The following DENR variants were observed in gnomAD, a reference collection of about 807,000 sequenced individuals.
The protein encoded by DENR is density regulated re-initiation and release factor.
Under a neutral mutation model 30.6 loss-of-function variants are expected in DENR, and 6 were observed. The observed-to-expected ratio is 0.20, with a 90% CI of 0.11 to 0.39. DENR has a LOEUF of 0.39. Ranked by LOEUF, DENR falls within the 10% of genes least tolerant of loss-of-function variation. The pLI is 1.00. For missense variants in DENR, 141 were observed against 230.9 expected (o/e 0.61, Z 2.52); for synonymous variants, 78 against 72.1 (o/e 1.08, Z -0.41).
intron 7 of DENR, 34 bp downstream of exon 7, chr12:122,768,955 A>C (rs777329748): frequency 1.1e-4 from 177 of 1,603,856 alleles, no homozygotes; most frequent in Non-Finnish European, 1.5e-4. Flanking sequence ...CGCTAGAGAT[A>C]AGTTTTTAAA....
chr12:122,762,978 G>T (rs1346577898), intron 4 of DENR, 49 bp downstream of exon 4: 2 of 973,226 alleles, frequency 2.1e-6, no homozygotes, highest in African/African-American at 1.7e-5. Context: ...TGAGACAAAT[G>T]CATGTATGGC....
intron 5 of DENR, among the ~76,000 whole-genome samples, chr12:122,766,861 AC>A (rs774206847): frequency 7.9e-5 from 12 of 151,934 alleles, no homozygotes; most frequent in Non-Finnish European, 1.3e-4. Flanking sequence ...TATCAGTCTT[AC>A]TCTTCACAGA....
At chr12:122,764,004 G>A (rs369665103) in intron 4 of DENR, among the ~76,000 whole-genome samples, 88 of 152,296 alleles carry the variant, frequency 5.8e-4, no homozygotes, top group African/African-American at 2.0e-3. Context: ...GGAACTGAGG[G>A]AATGAGTCAT....
intron 2 of DENR, among the ~76,000 whole-genome samples, chr12:122,760,726 G>A (rs1377708244): frequency 2.6e-5 from 4 of 152,070 alleles, no homozygotes; most frequent in Non-Finnish European, 4.4e-5. Flanking sequence ...GCAAGACTCC[G>A]TCTCAAAAAT....
At chr12:122,757,140 A>C (rs75955869) in intron 2 of DENR, among the ~76,000 whole-genome samples, 8,497 of 152,270 alleles carry the variant, frequency 0.056, 414 homozygotes, top group East Asian at 0.27. Flanking sequence ...CGATAGTGAC[A>C]TAGGCATTTT....
intron 4 of DENR, among the ~76,000 whole-genome samples, chr12:122,763,807 C>G (rs546926203): frequency 2.6e-5 from 4 of 152,172 alleles, no homozygotes; most frequent in Middle Eastern, 6.8e-3. Context: ...TGAGGATAAG[C>G]CAATAAAAGA....
intron 2 of DENR, among the ~76,000 whole-genome samples, chr12:122,761,169 T>C (rs1297001880): frequency 2.6e-5 from 4 of 152,114 alleles, no homozygotes; most frequent in African/African-American, 9.7e-5. Flanking sequence ...CCCAGCACTT[T>C]GGGAGGCTGA....
intron 6 of DENR, chr12:122,768,163 C>T (rs539336333): frequency 1.3e-5 from 2 of 152,738 alleles, no homozygotes; most frequent in South Asian, 2.1e-4. Flanking sequence ...TTTCTTTGTT[C>T]CTTCTTTACT....
chr12:122,759,243 T>G (rs1219302161), intron 2 of DENR, among the ~76,000 whole-genome samples: 1 of 152,206 alleles, frequency 6.6e-6, no homozygotes, highest in Non-Finnish European at 1.5e-5. Flanking sequence ...GCTCATAATG[T>G]CAGATGTTTC....
chr12:122,756,111 C>T (rs1199094737), intron 2 of DENR, among the ~76,000 whole-genome samples: 1 of 152,134 alleles, frequency 6.6e-6, no homozygotes, highest in Non-Finnish European at 1.5e-5. Context: ...CCCTGTCTGT[C>T]TACATATAAC....
intron 4 of DENR, chr12:122,763,398 CA>C (rs11286951): frequency 0.91 from 136,702 of 150,516 alleles, 62,275 homozygotes; most frequent in African/African-American, 0.96. Context: ...GACTCCGTCT[CA>C]AAAAAAAAAA....
Position 122,768,773 on chromosome 12 carries a change from A to G in DENR, c.413-9A>G. ...ACAGTTCTTGCTCTTTCTTTTTTTA[A>G]AAAAATAGAAATTGATCTTAAAGAA... On this transcript the variant is annotated splice_polypyrimidine_tract_variant and intron_variant, in intron 6 of 7. Transcript: ENST00000280557. 1 of 1,531,974 alleles carries G rather than the reference A, an allele frequency of 6.5e-7. No individual in the cohort carries two copies. The highest frequency in any genetic ancestry group is 8.8e-7 in the Non-Finnish European group (1 of 1,141,626). The allele number at this position is 1,531,974 out of a possible 1,614,324, so 94.9% of individuals were successfully genotyped here. A position where few individuals can be genotyped will look rare whatever the true frequency, so the allele number is the denominator to read the frequency against.
At chr12:122,758,571 G>A (rs1034007794) in intron 2 of DENR, among the ~76,000 whole-genome samples, 2 of 152,080 alleles carry the variant, frequency 1.3e-5, no homozygotes, top group African/African-American at 2.4e-5. Flanking sequence ...TTGGGAGGCC[G>A]AGGCAGGCAG....
Position 122,770,585 on chromosome 12 carries a change from G to C in DENR, c.*1507G>C, listed in dbSNP as rs879088546. The C allele has an allele frequency of 2.5e-6, 1 of 398,406 alleles. No homozygotes were observed. Among genetic ancestry groups the C allele is most frequent in the African/African-American group, 2.1e-5 (1 of 48,724 alleles). The allele number at this position is 398,406 out of a possible 1,614,324, so 24.7% of individuals were successfully genotyped here. A position where few individuals can be genotyped will look rare whatever the true frequency, so the allele number is the denominator to read the frequency against. On this transcript the variant is annotated 3_prime_UTR_variant, in exon 8 of 8. Transcript: ENST00000280557. ...AATTGAAACATGTCTTCTCACAAGA[G>C]AAAATGACAGTTTTAATGATGTATT...
At chr12:122,758,125 G>A (rs1397207357) in intron 2 of DENR, among the ~76,000 whole-genome samples, 1 of 152,216 alleles carries the variant, frequency 6.6e-6, no homozygotes, top group Non-Finnish European at 1.5e-5. Flanking sequence ...AGACTGGAGT[G>A]TAATGGCGTG....
Position 122,770,494 on chromosome 12 carries a change from G to C in DENR, c.*1416G>C, listed in dbSNP as rs568614696. ...CTTATTCTGGCTATAAATTATGTGA[G>C]TAAAATTGTGCTAACCAGTTAAAAG... On this transcript the variant is annotated 3_prime_UTR_variant, in exon 8 of 8. Transcript: ENST00000280557. 2 of 397,100 alleles carry C rather than the reference G, an allele frequency of 5.0e-6. No homozygotes were observed. Among genetic ancestry groups the C allele is most frequent in the Non-Finnish European group, 8.9e-6 (2 of 225,636 alleles). 24.6% of individuals were successfully genotyped at this position (397,100 alleles called of 1,614,324 possible).
At chr12:122,764,599 CAAA>C (rs939624174) in intron 4 of DENR, among the ~76,000 whole-genome samples, 1 of 151,754 alleles carries the variant, frequency 6.6e-6, no homozygotes, top group Non-Finnish European at 1.5e-5. Context: ...GACTCCGTCT[CAAA>C]AAAAATGGAG....
chr12:122,766,856 GTCTTAC>G (rs1462943117), intron 5 of DENR, among the ~76,000 whole-genome samples: 1 of 152,060 alleles, frequency 6.6e-6, no homozygotes, highest in Non-Finnish European at 1.5e-5. Flanking sequence ...CTTTCTATCA[GTCTTAC>G]TCTTCACAGA....
chr12:122,758,620 C>T (rs918894691), intron 2 of DENR, among the ~76,000 whole-genome samples: 16 of 152,140 alleles, frequency 1.1e-4, no homozygotes, highest in African/African-American at 3.4e-4. Context: ...GCCTGGGCAA[C>T]ATAGTGAGAC....
Sources: gnomAD v4.1 joint callset for allele counts (sites outside exome capture counted in the v4.1 genomes callset) on GRCh38, gnomAD v4.1.1 for gene constraint, MANE v1.5 for transcripts, NCBI Gene and HGNC (gene_info 2026-07-23, HGNC 2026-07-21) for gene names.